MAGI2: variants seen among roughly 807,000 people sequenced by gnomAD.
The protein encoded by MAGI2 is membrane associated guanylate kinase, WW and PDZ domain containing 2, also known as membrane-associated guanylate kinase, WW and PDZ domain-containing protein 2.
Under a neutral mutation model 133.3 loss-of-function variants are expected in MAGI2, and 35 were observed. That is an observed-to-expected ratio of 0.26 (90% CI 0.20 to 0.35). The LOEUF (loss-of-function observed/expected upper bound fraction) is 0.35, where lower values mean the gene tolerates loss of function less well. Among genes scored for constraint, MAGI2 ranks in the 10% least tolerant of loss-of-function variants. The pLI is 1.00. For synonymous variants in MAGI2, 729 were observed against 710.6 expected (o/e 1.03, Z -0.41); for missense variants, 1,636 against 1,863.4 (o/e 0.88, Z 2.25).
intron 1 of MAGI2, among the ~76,000 whole-genome samples, chr7:79,230,312 T>A (rs1831250560): frequency 1.3e-5 from 2 of 152,050 alleles, no homozygotes; most frequent in Admixed American, 6.5e-5. Flanking sequence ...TACCCAGTAA[T>A]GGGATGGCTG....
chr7:78,324,991 A>G (rs1788439466), intron 9 of MAGI2, among the ~76,000 whole-genome samples: 1 of 152,102 alleles, frequency 6.6e-6, no homozygotes, highest in South Asian at 2.1e-4. Context: ...AATACAAAAT[A>G]AAATAAAACA....
In MAGI2 at chr7:78,572,234, T is replaced by C. The variant is rs1412719081; in HGVS notation, c.539-50589A>G. Among the ~76,000 whole-genome samples the C allele has an allele frequency of 2.6e-5, 4 of 152,320 alleles. No individual in the cohort carries two copies. In the East Asian group the frequency reaches 5.8e-4, roughly 22 times the overall value. ...TACTAAGCTCCTCAGAGATTATGAC[T>C]GTTTTAATGCTATTTAATTGATTAT... On this transcript the variant is annotated intron_variant, in intron 3 of 21. Transcript: ENST00000354212.
intron 1 of MAGI2, chr7:79,030,382 G>A (rs751329373): frequency 6.6e-6 from 1 of 152,198 alleles, no homozygotes; most frequent in Non-Finnish European, 1.5e-5. Context: ...TTCTAGGAGA[G>A]CGATTGAGAA....
intron 2 of MAGI2, among the ~76,000 whole-genome samples, chr7:78,657,149 G>A (rs1812391757): frequency 6.6e-6 from 1 of 152,148 alleles, no homozygotes; most frequent in African/African-American, 2.4e-5. Context: ...ATGTCTATTA[G>A]AATGGCCAAA....
chr7:79,360,054 A>T (rs66499867), intron 1 of MAGI2, among the ~76,000 whole-genome samples: 22,118 of 152,156 alleles, frequency 0.15, 1,719 homozygotes, highest in South Asian at 0.25. Flanking sequence ...AAAAAAATTA[A>T]ATTCATCAAA....
chr7:78,231,134 T>C lies in MAGI2; in HGVS notation c.2047+24809A>G, dbSNP rs565156339. Among the ~76,000 whole-genome samples the C allele has an allele frequency of 2.0e-5, 3 of 152,274 alleles. No individual in the cohort carries two copies. In the East Asian group the frequency reaches 5.8e-4, roughly 29 times the overall value. The stretch of plus-strand genomic sequence containing the variant: ...GATAATGATTCAATAGGGTCTAAAG[T>C]GGGATGCAAAATGACCTGGTCTCCC... On this transcript the variant is annotated intron_variant, in intron 10 of 21. Coordinates refer to ENST00000354212, the MANE Select transcript of MAGI2 (RefSeq NM_012301.4).
At chr7:78,251,961 T>C (rs1792429007) in intron 10 of MAGI2, 1 of 151,986 alleles carries the variant, frequency 6.6e-6, no homozygotes, top group Non-Finnish European at 1.5e-5. Flanking sequence ...GGAAACACAG[T>C]GAGGCTTCAT....
chr7:78,989,128 A>C (rs1358866171), intron 2 of MAGI2, among the ~76,000 whole-genome samples: 2 of 152,082 alleles, frequency 1.3e-5, no homozygotes, highest in African/African-American at 4.8e-5. Context: ...TCATTGACTA[A>C]ACATCTAGAT....
At chr7:78,100,188 C>CGA (rs1818083258) in intron 20 of MAGI2, among the ~76,000 whole-genome samples, 1 of 152,114 alleles carries the variant, frequency 6.6e-6, no homozygotes, top group Non-Finnish European at 1.5e-5. Context: ...ACTGGTGCTC[C>CGA]TCTCAGAGTG....
At chr7:79,102,756 G>T (rs554804236) in intron 1 of MAGI2, among the ~76,000 whole-genome samples, 1 of 152,204 alleles carries the variant, frequency 6.6e-6, no homozygotes, top group Admixed American at 6.5e-5. Flanking sequence ...GAAAGAAAGA[G>T]AGAAAAGGAT....
chr7:78,289,886 C>T (rs1796524597), intron 9 of MAGI2, among the ~76,000 whole-genome samples: 1 of 152,280 alleles, frequency 6.6e-6, no homozygotes, highest in African/African-American at 2.4e-5. Flanking sequence ...AGATCCTTTA[C>T]AGACAAGCAA....
chr7:78,333,290 A>G (rs1789419298), intron 9 of MAGI2, among the ~76,000 whole-genome samples: 1 of 152,198 alleles, frequency 6.6e-6, no homozygotes, highest in South Asian at 2.1e-4. Context: ...AGATTGTGAG[A>G]AGGCAGAGTG....
chr7:79,179,470 C>T (rs201937750), intron 1 of MAGI2, among the ~76,000 whole-genome samples: 2 of 151,872 alleles, frequency 1.3e-5, no homozygotes, highest in African/African-American at 4.8e-5. Flanking sequence ...AATGACAAAG[C>T]ATTCTTGAAC....
At chr7:78,597,385 G>C in intron 3 of MAGI2, among the ~76,000 whole-genome samples, 1 of 136,142 alleles carries the variant, frequency 7.3e-6, no homozygotes, top group Non-Finnish European at 1.6e-5. Flanking sequence ...GGGGGGGGGG[G>C]TCTTATAAAT....
intron 10 of MAGI2, among the ~76,000 whole-genome samples, chr7:78,235,146 T>C (rs1379467065): frequency 1.3e-5 from 2 of 152,190 alleles, no homozygotes; most frequent in Admixed American, 6.5e-5. Flanking sequence ...GAACATATTT[T>C]ACATAATAGT....
At chr7:78,310,323 T>C (rs947582125) in intron 9 of MAGI2, among the ~76,000 whole-genome samples, 1 of 152,076 alleles carries the variant, frequency 6.6e-6, no homozygotes, top group African/African-American at 2.4e-5. Flanking sequence ...TAGTCCCAGC[T>C]ACTTGGGAGG....
intron 9 of MAGI2, among the ~76,000 whole-genome samples, chr7:78,269,768 A>G (rs1189947686): frequency 6.6e-6 from 1 of 152,088 alleles, no homozygotes; most frequent in Non-Finnish European, 1.5e-5. Flanking sequence ...GAAGGCCTTT[A>G]ATTAGATCCC....
At position 78,695,210 on chromosome 7, in the gene MAGI2, G is replaced by A. The variant is rs193024088; in HGVS notation, c.419-67971C>T. Among the ~76,000 whole-genome samples the A allele has an allele frequency of 2.5e-4, 38 of 152,242 alleles. 1 individual carries two copies. Among genetic ancestry groups the A allele is most frequent in the African/African-American group, 9.1e-4 (38 of 41,554 alleles). On this transcript the variant is annotated intron_variant, in intron 2 of 21. Transcript: ENST00000354212. ...ACTGCACTCCAGCCTGGGCGACAGA[G>A]CGAGACTCTGTCTCAAAAAAATAAT...
intron 2 of MAGI2, among the ~76,000 whole-genome samples, chr7:78,910,926 AC>A (rs1398274996): frequency 6.6e-6 from 1 of 152,212 alleles, no homozygotes; most frequent in Non-Finnish European, 1.5e-5. Context: ...CTACATACAC[AC>A]ATTTGCACTC....
Sources: gnomAD v4.1 joint callset for allele counts (sites outside exome capture counted in the v4.1 genomes callset) on GRCh38, gnomAD v4.1.1 for gene constraint, MANE v1.5 for transcripts, NCBI Gene and HGNC (gene_info 2026-07-23, HGNC 2026-07-21) for gene names.